Variants in FGF14 observed in about 807,000 individuals in gnomAD.
The protein encoded by FGF14 is fibroblast growth factor 14, also known as fibroblast growth factor homologous factor 4.
FGF14 carries 5 observed loss-of-function variants against 25.5 expected under a neutral mutation model. The observed-to-expected ratio is 0.20, with a 90% confidence interval of 0.10 to 0.41. The LOEUF is 0.41. FGF14 is among the 10% of genes least tolerant of loss of function. The pLI is 1.00. For missense variants in FGF14, 222 were observed against 320.1 expected, an observed-to-expected ratio of 0.69 and a Z score of 2.34; for synonymous variants, 138 against 118.3, an observed-to-expected ratio of 1.17 and a Z score of -1.08.
intron 1 of FGF14, among the ~76,000 whole-genome samples, chr13:101,966,982 T>C (rs1458965095): frequency 6.6e-6 from 1 of 151,858 alleles, no homozygotes; most frequent in Non-Finnish European, 1.5e-5. Flanking sequence ...CAGTTTAAAC[T>C]GATATCAGCA....
At chr13:102,303,036 C>T (rs1263116459) in intron 1 of FGF14, among the ~76,000 whole-genome samples, 1 of 152,172 alleles carries the variant, frequency 6.6e-6, no homozygotes, top group African/African-American at 2.4e-5. Flanking sequence ...GAAGAACATC[C>T]TGCTTCTCTG....
chr13:101,963,823 G>C (rs552717035), intron 1 of FGF14, among the ~76,000 whole-genome samples: 10 of 152,250 alleles, frequency 6.6e-5, no homozygotes, highest in African/African-American at 2.2e-4. Flanking sequence ...GACATTTCCA[G>C]TTGTAGAAAA....
chr13:102,161,675 A>G lies in FGF14; in HGVS notation c.208+239796T>C, dbSNP rs1324081909. ...AAGAAGAAGAAGAAGAAGAAGAAGAAGAAGAAGAAGAAGAAGAAGAAGAAG... is the reference window on the plus strand; with the variant it reads ...AAGAAGAAGAAGAAGAAGAAGAAGAGGAAGAAGAAGAAGAAGAAGAAGAAG... On this transcript the variant is annotated intron_variant, in intron 1 of 4. Coordinates refer to the FGF14 transcript ENST00000376131. Among the ~76,000 whole-genome samples the G allele has an allele frequency of 2.9e-3, 108 of 37,512 alleles. 4 individuals are homozygous for G. Among genetic ancestry groups the G allele is most frequent in the Middle Eastern group, 0.022 (1 of 46 alleles). 24.6% of individuals were successfully genotyped at this position (37,512 alleles called of 152,430 possible).
intron 3 of FGF14, among the ~76,000 whole-genome samples, chr13:101,733,502 G>A (rs536850081): frequency 6.6e-6 from 1 of 151,442 alleles, no homozygotes; most frequent in African/African-American, 2.4e-5. Flanking sequence ...GGCTGAGGCA[G>A]GAGACTCACT....
intron 1 of FGF14, among the ~76,000 whole-genome samples, chr13:102,305,123 T>C (rs1294108616): frequency 1.3e-5 from 2 of 152,224 alleles, no homozygotes; most frequent in Non-Finnish European, 2.9e-5. Flanking sequence ...ACTGAAAATG[T>C]ATTGGATATA....
intron 1 of FGF14, among the ~76,000 whole-genome samples, chr13:102,169,414 G>A (rs2048155156): frequency 6.6e-6 from 1 of 151,996 alleles, no homozygotes; most frequent in Non-Finnish European, 1.5e-5. Flanking sequence ...ACCCAGACTA[G>A]AACCTCAGAC....
At chr13:102,399,124 G>A (rs886279796) in intron 1 of FGF14, among the ~76,000 whole-genome samples, 4 of 152,082 alleles carry the variant, frequency 2.6e-5, no homozygotes, top group East Asian at 1.9e-4. Flanking sequence ...TGGAAGGGGG[G>A]AAAAACTATT....
chr13:101,715,699 T>C lies in FGF14; in HGVS notation c.*7132A>G, dbSNP rs748962462. 8.5e-6 allele frequency: 11 copies of C among 1,289,650 alleles called. No homozygotes were observed. Among genetic ancestry groups the C allele is most frequent in the East Asian group, 2.3e-5 (1 of 43,456 alleles). The allele number at this position is 1,289,650 out of a possible 1,614,324, so 79.9% of individuals were successfully genotyped here. A position where few individuals can be genotyped will look rare whatever the true frequency, so the allele number is the denominator to read the frequency against. ...TGGATTCTTATTTTTTCTGGGCCAT[T>C]AGAACAGATAAATGCGAAGGAAACC... On this transcript the variant is annotated 3_prime_UTR_variant, in exon 5 of 5. Transcript: ENST00000376143.
chr13:101,853,463 TTTAG>T (rs1233314259), intron 3 of FGF14, among the ~76,000 whole-genome samples: 1 of 152,068 alleles, frequency 6.6e-6, no homozygotes, highest in African/African-American at 2.4e-5. Context: ...TTTCAATTTT[TTTAG>T]TTAGAGACAG....
chr13:102,357,631 A>G (rs986938445), intron 1 of FGF14, among the ~76,000 whole-genome samples: 15 of 152,190 alleles, frequency 9.9e-5, no homozygotes, highest in African/African-American at 3.1e-4. Flanking sequence ...TCCATAGCCT[A>G]TAAAATGTGG....
chr13:101,903,927 G>A (rs2139008617), intron 1 of FGF14, among the ~76,000 whole-genome samples: 1 of 152,286 alleles, frequency 6.6e-6, no homozygotes, highest in East Asian at 1.9e-4. Context: ...TAGTGTTGAA[G>A]TCATGGATAC....
intron 1 of FGF14, among the ~76,000 whole-genome samples, chr13:102,280,336 C>T (rs1419805281): frequency 1.3e-5 from 2 of 152,094 alleles, no homozygotes; most frequent in African/African-American, 4.8e-5. Context: ...TAGGAAAATA[C>T]CTGGAGAGAC....
At chr13:102,109,766 C>G (rs1054752016) in intron 1 of FGF14, among the ~76,000 whole-genome samples, 1 of 152,024 alleles carries the variant, frequency 6.6e-6, no homozygotes, top group Non-Finnish European at 1.5e-5. Context: ...ACTACAGGCA[C>G]CTGCCACAAC....
At chr13:101,941,932 C>T (rs1027500548) in intron 1 of FGF14, among the ~76,000 whole-genome samples, 5 of 152,022 alleles carry the variant, frequency 3.3e-5, no homozygotes, top group African/African-American at 1.2e-4. Flanking sequence ...TAAGTACAAA[C>T]CTTAGTTTGT....
chr13:102,081,549 C>A lies in FGF14; in HGVS notation c.209-206253G>T, dbSNP rs964311751. Reference sequence around the variant, plus strand: ...TGATATTCTCTATCATTTCCTGAATCTTTCACTTAATGAAAAGATTTTCAT... The same window carrying A: ...TGATATTCTCTATCATTTCCTGAATATTTCACTTAATGAAAAGATTTTCAT... On this transcript the variant is annotated intron_variant, in intron 1 of 4. Transcript: ENST00000376131. Among the ~76,000 whole-genome samples, 8 of 152,192 alleles carry A rather than the reference C, an allele frequency of 5.3e-5. No homozygotes were observed. In the East Asian group the frequency reaches 1.4e-3, roughly 26 times the overall value.
intron 1 of FGF14, among the ~76,000 whole-genome samples, chr13:102,161,608 AAG>A (rs1422086870): frequency 0.21 from 1,237 of 6,014 alleles, 112 homozygotes; most frequent in Middle Eastern, 0.33. Context: ...GAAGAAGAAG[AAG>A]AAGAAGAAGA....
chr13:101,873,028 AG>A, intron 2 of FGF14, among the ~76,000 whole-genome samples: 1 of 146,418 alleles, frequency 6.8e-6, no homozygotes, highest in African/African-American at 2.6e-5. Context: ...CAGATACAGA[AG>A]AAAAAAAAAA....
intron 3 of FGF14, among the ~76,000 whole-genome samples, chr13:101,741,148 C>A (rs1566841449): frequency 6.6e-6 from 1 of 152,122 alleles, no homozygotes; most frequent in Non-Finnish European, 1.5e-5. Context: ...CCAGCCTGAC[C>A]AACATGGTGA....
intron 1 of FGF14, chr13:102,262,917 A>T (rs891137219): frequency 2.8e-5 from 10 of 357,370 alleles, no homozygotes; most frequent in Admixed American, 2.1e-4. Context: ...GAGAGAAAAA[A>T]ATATATATTC....
Sources: allele counts gnomAD v4.1 joint callset (sites outside exome capture counted in the v4.1 genomes callset), GRCh38; gene constraint gnomAD v4.1.1; transcripts MANE v1.5; gene names NCBI Gene and HGNC (gene_info 2026-07-23, HGNC 2026-07-21).